The following ANO6 variants were observed in gnomAD, a reference collection of about 807,000 sequenced individuals.
ANO6 encodes the protein anoctamin-6.
In ANO6, 106 loss-of-function variants were observed where a neutral mutation model predicts 117.5. The observed-to-expected ratio is 0.90, with a 90% confidence interval of 0.77 to 1.06. The LOEUF is 1.06. Ranked by LOEUF, ANO6 falls within the 50% of genes least tolerant of loss-of-function variation. The pLI is 0.00. For missense variants in ANO6, 955 were observed against 1,121.1 expected (o/e 0.85, Z 2.12); for synonymous variants, 367 against 385.1 (o/e 0.95, Z 0.55).
chr12:45,256,440 A>G (rs772747544), intron 1 of ANO6: 1 of 152,164 alleles, frequency 6.6e-6, no homozygotes, highest in Non-Finnish European at 1.5e-5. Context: ...GATTGTTACT[A>G]CTGTTAATCA....
intron 1 of ANO6, among the ~76,000 whole-genome samples, chr12:45,286,866 G>A (rs1446823728): frequency 2.6e-5 from 4 of 152,194 alleles, no homozygotes; most frequent in African/African-American, 9.7e-5. Flanking sequence ...GAGGGGGATA[G>A]GAAGGTTGAA....
chr12:45,234,975 A>T (rs891037487), intron 1 of ANO6, among the ~76,000 whole-genome samples: 3 of 125,350 alleles, frequency 2.4e-5, no homozygotes, highest in Admixed American at 7.8e-5. Flanking sequence ...GTCAGTGTTT[A>T]CTATCAGTCC....
chr12:45,325,863 C>T (rs538784819), intron 2 of ANO6, among the ~76,000 whole-genome samples: 1 of 152,008 alleles, frequency 6.6e-6, no homozygotes, highest in Non-Finnish European at 1.5e-5. Context: ...AGTAAGAGTC[C>T]TCTACCCCAT....
At chr12:45,339,363 CT>C (rs1466569731) in intron 3 of ANO6, among the ~76,000 whole-genome samples, 1 of 152,038 alleles carries the variant, frequency 6.6e-6, no homozygotes, top group Admixed American at 6.6e-5. Flanking sequence ...TTGGAAAACA[CT>C]TTACTGAAAA....
intron 12 of ANO6, among the ~76,000 whole-genome samples, chr12:45,396,569 A>C (rs1193948816): frequency 6.6e-6 from 1 of 152,244 alleles, no homozygotes; most frequent in East Asian, 1.9e-4. Context: ...GCATCACGCT[A>C]CCTGACTTCA....
At chr12:45,233,612 A>T (rs1299508478) in intron 1 of ANO6, among the ~76,000 whole-genome samples, 1 of 152,178 alleles carries the variant, frequency 6.6e-6, no homozygotes, top group Admixed American at 6.5e-5. Context: ...TATTCCTAGT[A>T]CTGCTTATTT....
chr12:45,378,164 T>C (rs770001620), intron 10 of ANO6, 51 bp downstream of exon 10: 1 of 1,541,006 alleles, frequency 6.5e-7, no homozygotes, highest in Non-Finnish European at 8.9e-7. Flanking sequence ...TATTACACAG[T>C]TTTATGTAGG....
intron 8 of ANO6, among the ~76,000 whole-genome samples, chr12:45,365,065 G>A (rs1318843187): frequency 6.6e-6 from 1 of 152,172 alleles, no homozygotes; most frequent in African/African-American, 2.4e-5. Flanking sequence ...CTAATGATTG[G>A]ATTAGCTGGT....
At chr12:45,390,605 G>C (rs1274449636) in intron 12 of ANO6, 107 bp downstream of exon 12, 1 of 1,010,040 alleles carries the variant, frequency 9.9e-7, no homozygotes, top group Non-Finnish European at 1.5e-6. Context: ...TGCTGAGCCT[G>C]GAAACTATAT....
intron 1 of ANO6, 54 bp from the exon 2 acceptor site, chr12:45,301,960 C>T (rs540441060): frequency 2.0e-5 from 29 of 1,461,198 alleles, no homozygotes; most frequent in East Asian, 6.8e-5. Context: ...TACAGAACTA[C>T]GTGAGCCAGT....
At chr12:45,252,626 G>C (rs992309090) in intron 1 of ANO6, among the ~76,000 whole-genome samples, 2 of 152,178 alleles carry the variant, frequency 1.3e-5, no homozygotes, top group African/African-American at 4.8e-5. Flanking sequence ...CTGTGAAGGA[G>C]TTCTGTTACC....
chr12:45,255,818 G>GGT (rs749001458), intron 1 of ANO6, among the ~76,000 whole-genome samples: 1 of 81,690 alleles, frequency 1.2e-5, no homozygotes, highest in African/African-American at 4.5e-5. Flanking sequence ...CTCCCTGGGT[G>GGT]TTTTTTTTTT....
At chr12:45,347,110 C>T (rs1378593502) in intron 4 of ANO6, 23 bp downstream of exon 4, 1 of 1,612,860 alleles carries the variant, frequency 6.2e-7, no homozygotes, top group Middle Eastern at 1.7e-4. Context: ...CCCTTTTCAG[C>T]CCTCGGCTGA....
At chr12:45,376,851 A>G (rs1342778077) in intron 9 of ANO6, among the ~76,000 whole-genome samples, 2 of 151,412 alleles carry the variant, frequency 1.3e-5, no homozygotes, top group Non-Finnish European at 2.9e-5. Flanking sequence ...TTAAAGTATA[A>G]TAATAAAAGA....
chr12:45,353,486 A>T (rs935871255), intron 7 of ANO6, among the ~76,000 whole-genome samples: 3 of 152,094 alleles, frequency 2.0e-5, no homozygotes, highest in Non-Finnish European at 4.4e-5. Flanking sequence ...TTGCTTTAGT[A>T]AAGAAAACTT....
At chr12:45,324,153 C>T (rs1363699878) in intron 2 of ANO6, among the ~76,000 whole-genome samples, 2 of 151,994 alleles carry the variant, frequency 1.3e-5, no homozygotes, top group African/African-American at 4.8e-5. Flanking sequence ...AGGCTGGTCT[C>T]GAACTCCTGA....
At chr12:45,346,950 T>G (rs970293063) in intron 3 of ANO6, 72 bp from the exon 4 acceptor site, 2 of 1,384,716 alleles carry the variant, frequency 1.4e-6, no homozygotes, top group African/African-American at 1.4e-5. Flanking sequence ...TTATTAATAT[T>G]GTTTTAAAAA....
intron 2 of ANO6, among the ~76,000 whole-genome samples, chr12:45,329,113 C>A (rs914181182): frequency 6.6e-6 from 1 of 152,192 alleles, no homozygotes; most frequent in African/African-American, 2.4e-5. Context: ...TACACATGAA[C>A]AAGAATTTGA....
intron 3 of ANO6, 147 bp downstream of exon 3, chr12:45,331,570 A>C: frequency 1.2e-6 from 1 of 860,672 alleles, no homozygotes; most frequent in African/African-American, 1.7e-5. Flanking sequence ...TGTTTTCTCA[A>C]AGCATATTAA....
Sources: allele counts gnomAD v4.1 joint callset (sites outside exome capture counted in the v4.1 genomes callset), GRCh38; gene constraint gnomAD v4.1.1; transcripts MANE v1.5; gene names NCBI Gene and HGNC (gene_info 2026-07-23, HGNC 2026-07-21).